The following NTAQ1 variants were observed in gnomAD, a reference collection of about 807,000 sequenced individuals.
The protein encoded by NTAQ1 is protein N-terminal glutamine amidohydrolase.
A neutral mutation model predicts 28.2 loss-of-function variants in NTAQ1; 21 were observed. The observed-to-expected ratio is 0.74, with a 90% CI of 0.53 to 1.07. The LOEUF is 1.07. Among genes scored for constraint, NTAQ1 ranks in the 50% least tolerant of loss-of-function variants. The pLI, the probability that NTAQ1 is intolerant of heterozygous loss-of-function variation, is 0.00. For synonymous variants in NTAQ1, 105 were observed against 90.0 expected (o/e 1.17, Z -0.94); for missense variants, 264 against 256.6 (o/e 1.03, Z -0.20).
intron 5 of NTAQ1, among the ~76,000 whole-genome samples, chr8:123,438,761 G>C (rs762572097): frequency 2.6e-5 from 4 of 152,044 alleles, no homozygotes; most frequent in Non-Finnish European, 5.9e-5. Context: ...AACACTAAGA[G>C]AGGGTTCAAA....
intron 3 of NTAQ1, among the ~76,000 whole-genome samples, chr8:123,431,695 CATTGGTCAGCTGTGGGATCCAGA>C (rs1814405314): frequency 6.6e-6 from 1 of 152,168 alleles, no homozygotes; most frequent in African/African-American, 2.4e-5. Context: ...CCAGGCCTCT[CATTGGTCAGCTGTGGGATCCAGA>C]TAGGTTATTT....
chr8:123,416,915 C>T lies in NTAQ1; in HGVS notation c.66C>T (p.Val22=). The change falls in exon 1 of 6, where the codon GTC becomes GTT. Residue 22 remains valine, a synonymous_variant. Transcript: ENST00000287387. The part of the protein sequence containing the change: ...QPASPPRDAC[V]YSSCYCEENI... ...CCAGCCCCCCGCGGGACGCCTGCGT[C>T]TACAGCAGCTGCTACTGGTGAGGGG... The T allele has an allele frequency of 6.6e-7, 1 of 1,516,522 alleles. No individual in the cohort carries two copies. The highest frequency in any genetic ancestry group is 8.8e-7 in the Non-Finnish European group (1 of 1,132,954). 93.9% of individuals were successfully genotyped at this position (1,516,522 alleles called of 1,614,324 possible).
At chr8:123,438,359 A>G in intron 5 of NTAQ1, 3 of 558,948 alleles carry the variant, frequency 5.4e-6, no homozygotes, top group Non-Finnish European at 9.6e-6. Flanking sequence ...CAGTAGTGTT[A>G]GTACTTCAAC....
At chr8:123,463,282 T>A (rs1052939073) in intron 6 of NTAQ1, among the ~76,000 whole-genome samples, 1 of 152,216 alleles carries the variant, frequency 6.6e-6, no homozygotes, top group Non-Finnish European at 1.5e-5. Flanking sequence ...ATGTCTAATA[T>A]GTGGTCTGTA....
intron 1 of NTAQ1, among the ~76,000 whole-genome samples, chr8:123,423,255 CCCTCCTTT>C: frequency 7.0e-6 from 1 of 143,882 alleles, no homozygotes; most frequent in African/African-American, 2.7e-5. Flanking sequence ...CTCCCTCCTT[CCCTCCTTT>C]CTTTCTGTCT....
At chr8:123,439,782 G>T (rs1814937915) in intron 5 of NTAQ1, among the ~76,000 whole-genome samples, 1 of 151,702 alleles carries the variant, frequency 6.6e-6, no homozygotes, top group South Asian at 2.1e-4. Context: ...GAGCCACTGT[G>T]CCTGGCCCAT....
intron 6 of NTAQ1, among the ~76,000 whole-genome samples, chr8:123,459,878 C>T (rs942663226): frequency 2.7e-5 from 4 of 150,918 alleles, no homozygotes; most frequent in Middle Eastern, 3.2e-3. Flanking sequence ...CTCAGCTCAC[C>T]GCAACCTCCG....
chr8:123,433,360 C>A (rs1441964455), intron 3 of NTAQ1, among the ~76,000 whole-genome samples: 2 of 152,204 alleles, frequency 1.3e-5, no homozygotes, highest in African/African-American at 4.8e-5. Context: ...CAAGATTCTG[C>A]AATGGGGTCC....
intron 6 of NTAQ1, among the ~76,000 whole-genome samples, chr8:123,455,783 A>ACCC (rs1380687171): frequency 2.6e-5 from 4 of 152,106 alleles, no homozygotes; most frequent in Non-Finnish European, 5.9e-5. Flanking sequence ...AGTCTACTGC[A>ACCC]GGTGTTCTGG....
intron 3 of NTAQ1, among the ~76,000 whole-genome samples, chr8:123,433,432 T>G (rs1814514191): frequency 6.6e-6 from 1 of 152,108 alleles, no homozygotes; most frequent in African/African-American, 2.4e-5. Flanking sequence ...TTGGTTGGCT[T>G]TAATTTTTTA....
chr8:123,463,552 GT>G (rs1364864022), intron 6 of NTAQ1, among the ~76,000 whole-genome samples: 2 of 152,164 alleles, frequency 1.3e-5, no homozygotes, highest in Admixed American at 1.3e-4. Context: ...CCATTTCTCA[GT>G]TTTGACTCAG....
chr8:123,431,669 A>G (rs1422697439), intron 3 of NTAQ1, among the ~76,000 whole-genome samples: 1 of 152,198 alleles, frequency 6.6e-6, no homozygotes, highest in Non-Finnish European at 1.5e-5. Context: ...GGAGTTAGGC[A>G]TACTGGGTTT....
intron 6 of NTAQ1, among the ~76,000 whole-genome samples, chr8:123,462,057 AT>A (rs1169432819): frequency 1.3e-5 from 2 of 151,934 alleles, no homozygotes; most frequent in African/African-American, 2.4e-5. Flanking sequence ...CTTTTTAAAA[AT>A]TTTTTTTAAG....
intron 6 of NTAQ1, among the ~76,000 whole-genome samples, chr8:123,463,091 T>C (rs142471702): frequency 5.6e-4 from 85 of 152,312 alleles, no homozygotes; most frequent in African/African-American, 2.0e-3. Context: ...AAGAACACTT[T>C]TTCTTTCTCT....
At chr8:123,422,886 T>G (rs1448843341) in intron 1 of NTAQ1, among the ~76,000 whole-genome samples, 1 of 152,164 alleles carries the variant, frequency 6.6e-6, no homozygotes, top group Non-Finnish European at 1.5e-5. Flanking sequence ...CCAGCATCAT[T>G]TATTAAATAG....
downstream of NTAQ1, among the ~76,000 whole-genome samples, chr8:123,448,973 A>G (rs528516019): frequency 2.6e-5 from 4 of 152,330 alleles, no homozygotes; most frequent in East Asian, 5.8e-4. Context: ...ATGATTATAC[A>G]TTAGAGTGTT....
intron 6 of NTAQ1, among the ~76,000 whole-genome samples, chr8:123,463,197 C>T (rs1327738670): frequency 6.6e-6 from 1 of 152,192 alleles, no homozygotes; most frequent in African/African-American, 2.4e-5. Context: ...AGAAGGATTT[C>T]CTAAGAAAGA....
At chr8:123,444,153 A>G (rs1476878716), downstream of NTAQ1, among the ~76,000 whole-genome samples, 1 of 151,982 alleles carries the variant, frequency 6.6e-6, no homozygotes, top group Admixed American at 6.6e-5. Flanking sequence ...TCTGTATGGA[A>G]AGAAGATATT....
chr8:123,445,994 C>T (rs1438730533), downstream of NTAQ1, among the ~76,000 whole-genome samples: 1 of 150,412 alleles, frequency 6.6e-6, no homozygotes, highest in African/African-American at 2.4e-5. Context: ...TTTTCCTTTC[C>T]TTTCCTTTCT....
Sources: gnomAD v4.1 joint callset for allele counts (sites outside exome capture counted in the v4.1 genomes callset) on GRCh38, gnomAD v4.1.1 for gene constraint, MANE v1.5 for transcripts, NCBI Gene and HGNC (gene_info 2026-07-23, HGNC 2026-07-21) for gene names.